Variants in TMEM132D observed in about 807,000 individuals in gnomAD.
TMEM132D encodes transmembrane protein 132D.
Under a neutral mutation model 62.3 loss-of-function variants are expected in TMEM132D, and 21 were observed. The observed-to-expected ratio is 0.34, with a 90% CI of 0.24 to 0.49. The LOEUF (loss-of-function observed/expected upper bound fraction) is 0.49, where lower values mean the gene tolerates loss of function less well. TMEM132D is among the 20% of genes least tolerant of loss of function. The probability of loss-of-function intolerance (pLI) is 0.99; values close to 1 mark genes in which losing one functional copy is unlikely to be tolerated. For synonymous variants in TMEM132D, 621 were observed against 575.6 expected, an observed-to-expected ratio of 1.08 and a Z score of -1.13; for missense variants, 1,346 against 1,402.8, an observed-to-expected ratio of 0.96 and a Z score of 0.65.
intron 5 of TMEM132D, among the ~76,000 whole-genome samples, chr12:129,145,744 C>T (rs193149616): frequency 7.1e-4 from 108 of 152,238 alleles, no homozygotes; most frequent in Non-Finnish European, 1.3e-3. Context: ...AGTCAGAAGG[C>T]TGTGAAGTCA....
At position 129,704,704 on chromosome 12, in the gene TMEM132D, C is replaced by T. The variant is rs545748401; in HGVS notation, c.80-4006G>A. Among the ~76,000 whole-genome samples, 12 of 152,204 alleles carry T rather than the reference C, an allele frequency of 7.9e-5. No homozygotes were observed. In the South Asian group the frequency reaches 8.3e-4, roughly 11 times the overall value. On this transcript the variant is annotated intron_variant, in intron 1 of 8. Coordinates refer to ENST00000422113, the MANE Select transcript of TMEM132D (RefSeq NM_133448.3). ...TGCCGGGTCATATGGTAACATGCAACGCCAATGTAAACAAGGCTGCCCTCG... is the reference window on the plus strand; with the variant it reads ...TGCCGGGTCATATGGTAACATGCAATGCCAATGTAAACAAGGCTGCCCTCG...
chr12:129,082,633 C>G (rs1874490129), intron 6 of TMEM132D, among the ~76,000 whole-genome samples: 2 of 152,322 alleles, frequency 1.3e-5, no homozygotes, highest in Middle Eastern at 6.8e-3. Flanking sequence ...CCCAGCCCCA[C>G]TGACACTTGG....
intron 2 of TMEM132D, among the ~76,000 whole-genome samples, chr12:129,540,557 C>T (rs1593058255): frequency 6.6e-6 from 1 of 152,020 alleles, no homozygotes; most frequent in East Asian, 1.9e-4. Context: ...GTGATCTCCA[C>T]TCACTGCAAC....
intron 3 of TMEM132D, among the ~76,000 whole-genome samples, chr12:129,370,376 G>A (rs1460943582): frequency 3.3e-5 from 5 of 152,242 alleles, no homozygotes; most frequent in South Asian, 4.1e-4. Context: ...TTGGTCTTTC[G>A]TGTGAATGAA....
chr12:129,608,927 T>C (rs374346156), intron 2 of TMEM132D, among the ~76,000 whole-genome samples: 138 of 148,100 alleles, frequency 9.3e-4, no homozygotes, highest in South Asian at 2.4e-3. Context: ...GGCTCTGAGT[T>C]GGGCCCTCAA....
intron 4 of TMEM132D, among the ~76,000 whole-genome samples, chr12:129,318,881 A>G (rs372734990): frequency 2.0e-5 from 3 of 152,138 alleles, no homozygotes; most frequent in African/African-American, 7.2e-5. Context: ...CTGCTGAGTC[A>G]CGTAGGTTGT....
At chr12:129,163,731 G>A (rs1877462850) in intron 5 of TMEM132D, among the ~76,000 whole-genome samples, 1 of 152,188 alleles carries the variant, frequency 6.6e-6, no homozygotes, top group African/African-American at 2.4e-5. Flanking sequence ...TGAATCCCTG[G>A]GTGCTTCCCC....
intron 5 of TMEM132D, among the ~76,000 whole-genome samples, chr12:129,174,770 T>C (rs1291188702): frequency 6.6e-6 from 1 of 152,242 alleles, no homozygotes; most frequent in African/African-American, 2.4e-5. Context: ...TAATCACCAT[T>C]CTGACTGGCA....
chr12:129,140,005 C>T (rs1876692392), intron 5 of TMEM132D, among the ~76,000 whole-genome samples: 1 of 152,090 alleles, frequency 6.6e-6, no homozygotes, highest in South Asian at 2.1e-4. Context: ...CATAAACCAC[C>T]ACTTCCAGTC....
At chr12:129,084,801 G>A (rs1371331273) in intron 5 of TMEM132D, 99 bp from the exon 6 acceptor site, 1 of 1,187,698 alleles carries the variant, frequency 8.4e-7, no homozygotes, top group Non-Finnish European at 1.2e-6. Context: ...GCTGGTGGAG[G>A]TGCTTCCCTT....
At chr12:129,761,486 CCT>C (rs1870375672) in intron 1 of TMEM132D, among the ~76,000 whole-genome samples, 1 of 152,204 alleles carries the variant, frequency 6.6e-6, no homozygotes, top group South Asian at 2.1e-4. Flanking sequence ...TCCTCCCAGG[CCT>C]CTGAGGGCCT....
chr12:129,075,295 TAAACAATCCGTA>T (rs1334948480), intron 8 of TMEM132D, among the ~76,000 whole-genome samples: 1 of 149,704 alleles, frequency 6.7e-6, no homozygotes, highest in African/African-American at 2.5e-5. Flanking sequence ...GGGCCAGTAT[TAAACAATCCGTA>T]AGAAGATTTG....
At chr12:129,450,289 C>A (rs1873234149) in intron 3 of TMEM132D, among the ~76,000 whole-genome samples, 1 of 152,124 alleles carries the variant, frequency 6.6e-6, no homozygotes, top group South Asian at 2.1e-4. Context: ...GTGCCTGTGT[C>A]CTGAATGGTA....
chr12:129,114,607 A>C (rs1000107553), intron 5 of TMEM132D, among the ~76,000 whole-genome samples: 4 of 152,214 alleles, frequency 2.6e-5, no homozygotes, highest in African/African-American at 9.6e-5. Flanking sequence ...AACTTACTTC[A>C]TGCAGACCCA....
chr12:129,563,433 C>CT (rs1255175907), intron 2 of TMEM132D, among the ~76,000 whole-genome samples: 1 of 152,168 alleles, frequency 6.6e-6, no homozygotes, highest in African/African-American at 2.4e-5. Context: ...TCCCAGCCCT[C>CT]TTTCTTTGAT....
chr12:129,427,737 A>T (rs574716328), intron 3 of TMEM132D, among the ~76,000 whole-genome samples: 2 of 151,860 alleles, frequency 1.3e-5, no homozygotes, highest in Non-Finnish European at 2.9e-5. Context: ...AGGAAAATTA[A>T]AAAAAAACAA....
At chr12:129,709,288 T>C (rs187190939) in intron 1 of TMEM132D, among the ~76,000 whole-genome samples, 13 of 152,232 alleles carry the variant, frequency 8.5e-5, no homozygotes, top group East Asian at 1.9e-4. Flanking sequence ...TGTGAGGAAA[T>C]ACAGAAATAC....
chr12:129,851,082 A>G (rs1873525065), intron 1 of TMEM132D, among the ~76,000 whole-genome samples: 1 of 152,232 alleles, frequency 6.6e-6, no homozygotes, highest in Non-Finnish European at 1.5e-5. Flanking sequence ...TGCAAATATT[A>G]GCTCGGAAAA....
At chr12:129,359,444 G>A (rs563274754) in intron 3 of TMEM132D, among the ~76,000 whole-genome samples, 72 of 152,292 alleles carry the variant, frequency 4.7e-4, no homozygotes, top group Non-Finnish European at 8.7e-4. Flanking sequence ...CACATTGAGC[G>A]TTGTGTCTTT....
Sources: gnomAD v4.1 joint callset for allele counts (sites outside exome capture counted in the v4.1 genomes callset) on GRCh38, gnomAD v4.1.1 for gene constraint, MANE v1.5 for transcripts, NCBI Gene and HGNC (gene_info 2026-07-23, HGNC 2026-07-21) for gene names.